Variants in NEGR1 observed in about 807,000 individuals in gnomAD.
NEGR1 encodes neuronal growth regulator 1, also known as IgLON family member 4.
A neutral mutation model predicts 40.9 loss-of-function variants in NEGR1; 10 were observed. That is an observed-to-expected ratio of 0.24 (90% CI 0.15 to 0.42). The LOEUF (loss-of-function observed/expected upper bound fraction) is 0.42. NEGR1 is among the 10% of genes least tolerant of loss of function. The pLI, the probability that NEGR1 is intolerant of heterozygous loss-of-function variation, is 1.00. For missense variants in NEGR1, 352 were observed against 438.9 expected (o/e 0.80, Z 1.77); for synonymous variants, 185 against 166.8 (o/e 1.11, Z -0.84).
intron 1 of NEGR1, among the ~76,000 whole-genome samples, chr1:72,142,025 A>G (rs1650696742): frequency 6.6e-6 from 1 of 152,006 alleles, no homozygotes; most frequent in African/African-American, 2.4e-5. Flanking sequence ...CACTGTACCC[A>G]GGCAATCATC....
At chr1:71,560,379 T>A (rs1443412023) in intron 6 of NEGR1, among the ~76,000 whole-genome samples, 1 of 147,278 alleles carries the variant, frequency 6.8e-6, no homozygotes, top group African/African-American at 2.5e-5. Context: ...ATAAAACTGA[T>A]GCCCATTATG....
intron 2 of NEGR1, among the ~76,000 whole-genome samples, chr1:71,791,501 AT>A (rs1415265950): frequency 1.3e-5 from 2 of 152,224 alleles, no homozygotes; most frequent in East Asian, 1.9e-4. Flanking sequence ...TTTTAAAAAA[AT>A]ATTTATCAGT....
intron 5 of NEGR1, among the ~76,000 whole-genome samples, chr1:71,594,500 T>C (rs918114509): frequency 2.0e-5 from 3 of 152,222 alleles, no homozygotes; most frequent in African/African-American, 7.2e-5. Context: ...TTTCATGTAA[T>C]AGCTGAATTT....
At chr1:72,009,468 T>C (rs1312433626) in intron 1 of NEGR1, among the ~76,000 whole-genome samples, 4 of 152,082 alleles carry the variant, frequency 2.6e-5, no homozygotes, top group Non-Finnish European at 5.9e-5. Context: ...TTTTAAATCA[T>C]TCTACTTTTA....
chr1:71,455,541 A>G (rs1646666056), intron 6 of NEGR1, among the ~76,000 whole-genome samples: 1 of 152,180 alleles, frequency 6.6e-6, no homozygotes, highest in African/African-American at 2.4e-5. Context: ...CCTGGCCAAC[A>G]TGATAAAACA....
intron 4 of NEGR1, among the ~76,000 whole-genome samples, chr1:71,640,565 C>A (rs1240425255): frequency 6.6e-6 from 1 of 151,936 alleles, no homozygotes; most frequent in Non-Finnish European, 1.5e-5. Context: ...AATGTGCTCA[C>A]AAATCTAAAT....
At chr1:71,946,045 G>A (rs141008447) in intron 1 of NEGR1, among the ~76,000 whole-genome samples, 201 of 151,612 alleles carry the variant, frequency 1.3e-3, no homozygotes, top group Non-Finnish European at 2.3e-3. Context: ...AATTCTATTC[G>A]TTTCTTTTTT....
chr1:72,104,105 T>A (rs1649044706), intron 1 of NEGR1, among the ~76,000 whole-genome samples: 1 of 151,974 alleles, frequency 6.6e-6, no homozygotes. Flanking sequence ...ATGGAGAACA[T>A]AAAGTTTTGA....
intron 1 of NEGR1, among the ~76,000 whole-genome samples, chr1:72,203,499 GAT>G (rs1410241755): frequency 1.3e-5 from 2 of 152,122 alleles, no homozygotes; most frequent in African/African-American, 4.8e-5. Context: ...GATGAGCAAA[GAT>G]AGTGGTTTCT....
intron 1 of NEGR1, among the ~76,000 whole-genome samples, chr1:71,974,931 T>C (rs1457984318): frequency 6.6e-6 from 1 of 152,202 alleles, no homozygotes; most frequent in Non-Finnish European, 1.5e-5. Flanking sequence ...TATTCCTTTA[T>C]GTTAATATTT....
intron 4 of NEGR1, among the ~76,000 whole-genome samples, chr1:71,632,892 C>T (rs1651021190): frequency 6.6e-6 from 1 of 151,884 alleles, no homozygotes; most frequent in Non-Finnish European, 1.5e-5. Context: ...GCTGTGTTTA[C>T]AGGCTAGATA....
At chr1:72,093,216 T>C (rs1488514823) in intron 1 of NEGR1, among the ~76,000 whole-genome samples, 1 of 151,044 alleles carries the variant, frequency 6.6e-6, no homozygotes, top group African/African-American at 2.4e-5. Context: ...CTGTAGTCCC[T>C]GCTAGCTGGT....
chr1:72,149,212 C>T (rs1392347238), intron 1 of NEGR1, among the ~76,000 whole-genome samples: 2 of 152,104 alleles, frequency 1.3e-5, no homozygotes, highest in Admixed American at 6.6e-5. Flanking sequence ...AAGCGGAAAC[C>T]CCTGATAAAC....
intron 5 of NEGR1, among the ~76,000 whole-genome samples, chr1:71,598,650 T>C (rs12070822): frequency 0.044 from 6,759 of 152,248 alleles, 375 homozygotes; most frequent in African/African-American, 0.12. Context: ...CACTAAATAT[T>C]TGGATGGAAG....
intron 4 of NEGR1, among the ~76,000 whole-genome samples, chr1:71,641,480 G>A (rs889524408): frequency 1.6e-4 from 24 of 151,986 alleles, no homozygotes; most frequent in African/African-American, 5.6e-4. Flanking sequence ...GGTTTCCTCT[G>A]TATTCTTTAA....
chr1:71,659,232 C>G lies in NEGR1; in HGVS notation c.667+38776G>C, dbSNP rs1348554198. Among the ~76,000 whole-genome samples the G allele has an allele frequency of 2.0e-5, 3 of 152,024 alleles. No individual in the cohort carries two copies. The South Asian group carries it at 6.2e-4, about 31-fold the overall frequency. ...GCAATGCAACCATAAAGAGTTAAGC[C>G]AATTGTGTGTTGTACAGAGGCCAAG... On this transcript the variant is annotated intron_variant, in intron 4 of 6. Transcript: ENST00000357731.
At chr1:72,270,636 G>A (rs1655812156) in intron 1 of NEGR1, among the ~76,000 whole-genome samples, 1 of 151,788 alleles carries the variant, frequency 6.6e-6, no homozygotes, top group Non-Finnish European at 1.5e-5. Flanking sequence ...TTCATCCTCT[G>A]ACTCTTTCAC....
chr1:72,052,539 A>G (rs1489556254), intron 1 of NEGR1, among the ~76,000 whole-genome samples: 1 of 151,454 alleles, frequency 6.6e-6, no homozygotes, highest in Non-Finnish European at 1.5e-5. Flanking sequence ...CAAAAACAGG[A>G]CAACTTCAAT....
At chr1:71,545,944 T>C (rs1031131837) in intron 6 of NEGR1, among the ~76,000 whole-genome samples, 7 of 151,768 alleles carry the variant, frequency 4.6e-5, no homozygotes, top group African/African-American at 1.7e-4. Flanking sequence ...ATATCCATGA[T>C]GTAATCCAAC....
Sources: gnomAD v4.1 joint callset for allele counts (sites outside exome capture counted in the v4.1 genomes callset) on GRCh38, gnomAD v4.1.1 for gene constraint, MANE v1.5 for transcripts, NCBI Gene and HGNC (gene_info 2026-07-23, HGNC 2026-07-21) for gene names.